The following VDAC3 variants were observed in gnomAD, a reference collection of about 807,000 sequenced individuals.
The protein encoded by VDAC3 is non-selective voltage-gated ion channel VDAC3.
Under a neutral mutation model 33.9 loss-of-function variants are expected in VDAC3, and 7 were observed. The ratio of observed to expected loss-of-function variants is 0.21; its 90% CI spans 0.12 to 0.39. The LOEUF (loss-of-function observed/expected upper bound fraction) is 0.39. Among genes scored for constraint, VDAC3 ranks in the 10% least tolerant of loss-of-function variants. VDAC3 has a pLI of 1.00. For synonymous variants in VDAC3, 100 were observed against 122.4 expected (o/e 0.82, Z 1.21); for missense variants, 261 against 334.5 (o/e 0.78, Z 1.71).
intron 4 of VDAC3, among the ~76,000 whole-genome samples, chr8:42,395,824 G>A (rs1802301017): frequency 6.6e-6 from 1 of 151,020 alleles, no homozygotes; most frequent in Admixed American, 6.6e-5. Flanking sequence ...AGCTGGGTGT[G>A]GTGGCACGCA....
intron 4 of VDAC3, among the ~76,000 whole-genome samples, chr8:42,398,458 ACTCAAGGGATCCACCCGCCTTGGC>A (rs1802356116): frequency 6.6e-6 from 1 of 151,998 alleles, no homozygotes; most frequent in African/African-American, 2.4e-5. Flanking sequence ...GAGCTCCTGG[ACTCAAGGGATCCACCCGCCTTGGC>A]CTCGTAACAT....
chr8:42,398,586 T>C (rs878919986), intron 4 of VDAC3, 126 bp from the exon 5 acceptor site: 3 of 1,009,354 alleles, frequency 3.0e-6, no homozygotes, highest in South Asian at 3.6e-5. Flanking sequence ...AAGAAGTTGC[T>C]CTAGAGTAGG....
chr8:42,402,433 G>A (rs1563423190), intron 7 of VDAC3, among the ~76,000 whole-genome samples: 1 of 152,130 alleles, frequency 6.6e-6, no homozygotes, highest in Non-Finnish European at 1.5e-5. Context: ...GGGACATCCC[G>A]GTAATTCTGT....
chr8:42,399,569 C>A, intron 5 of VDAC3, 82 bp from the exon 6 acceptor site: 1 of 1,322,020 alleles, frequency 7.6e-7, no homozygotes, highest in Non-Finnish European at 1.0e-6. Flanking sequence ...TTAAAGAACT[C>A]AGGAAACTTT....
chr8:42,394,241 A>C lies in VDAC3; in HGVS notation c.30A>C (p.Leu10=). Residue 10 remains leucine (L), a synonymous_variant, in exon 3 of 10, where the codon CTA becomes CTC. Coordinates refer to ENST00000022615, the MANE Select transcript of VDAC3 (RefSeq NM_005662.7). MCNTPTYCD[L]GKAAKDVFNK... is the part of the protein sequence containing the mutation. ...GTAACACACCAACGTACTGTGACCTAGGAAAGGCTGCTAAGGATGTCTTCA... is the reference window on the plus strand; with the variant it reads ...GTAACACACCAACGTACTGTGACCTCGGAAAGGCTGCTAAGGATGTCTTCA... The C allele has an allele frequency of 6.2e-7, 1 of 1,613,732 alleles. No homozygotes were observed. The highest frequency in any genetic ancestry group is 2.2e-5 in the East Asian group (1 of 44,828).
At chr8:42,397,985 G>A (rs550604922) in intron 4 of VDAC3, among the ~76,000 whole-genome samples, 1 of 152,170 alleles carries the variant, frequency 6.6e-6, no homozygotes, top group African/African-American at 2.4e-5. Flanking sequence ...AAGTAGTAAA[G>A]TGTTGACCCT....
chr8:42,397,951 A>G (rs997875139), intron 4 of VDAC3, among the ~76,000 whole-genome samples: 2 of 139,552 alleles, frequency 1.4e-5, no homozygotes, highest in African/African-American at 6.7e-5. Flanking sequence ...ATTTACCACA[A>G]TAAAAAAAAA....
At chr8:42,401,543 G>A (rs910778548) in intron 6 of VDAC3, among the ~76,000 whole-genome samples, 22 of 152,200 alleles carry the variant, frequency 1.4e-4, no homozygotes, top group African/African-American at 5.3e-4. Flanking sequence ...AATAAATCAT[G>A]AAGTATCCTA....
At chr8:42,398,594 A>G (rs1802358503) in intron 4 of VDAC3, 118 bp from the exon 5 acceptor site, 2 of 1,074,022 alleles carry the variant, frequency 1.9e-6, no homozygotes, top group Non-Finnish European at 2.6e-6. Context: ...GCTCTAGAGT[A>G]GGGCTGTGGC....
In VDAC3 at chr8:42,404,897, C is replaced by T; in HGVS notation, c.733C>T (p.Leu245=). 6.2e-7 allele frequency: 1 copy of T among 1,613,640 alleles called. No individual in the cohort carries two copies. The highest frequency in any genetic ancestry group is 8.5e-7 in the Non-Finnish European group (1 of 1,179,734). The part of the protein sequence containing the change: ...AKVNNASLIG[L]GYTQTLRPGV... ...AGTAAATAATGCCAGCCTGATTGGA[C>T]TGGGTTATACTCAGACCCTTCGACC... Residue 245 remains leucine (L), a synonymous_variant, in exon 9 of 10, where the codon CTG becomes TTG. Coordinates refer to ENST00000022615, the MANE Select transcript of VDAC3 (RefSeq NM_005662.7).
chr8:42,398,694 T>A lies in VDAC3; in HGVS notation c.118-18T>A. The stretch of plus-strand genomic sequence containing the variant: ...TGATGAGCTAATTTTAAAGTAATTA[T>A]TTTTTCTTGCTTACCAGGAATTTTC... On this transcript the variant is annotated intron_variant, in intron 4 of 9. Coordinates refer to ENST00000022615, the MANE Select transcript of VDAC3 (RefSeq NM_005662.7). The A allele has an allele frequency of 2.5e-6, 4 of 1,601,964 alleles. No homozygotes were observed. The highest frequency in any genetic ancestry group is 3.4e-6 in the Non-Finnish European group (4 of 1,176,488).
intron 1 of VDAC3, among the ~76,000 whole-genome samples, chr8:42,393,298 A>AT (rs1336992030): frequency 1.3e-5 from 2 of 152,014 alleles, no homozygotes; most frequent in East Asian, 3.9e-4. Context: ...AGGCGTAGCA[A>AT]TTGCAAGGGC....
At chr8:42,402,647 CTA>C (rs1298524315) in intron 7 of VDAC3, among the ~76,000 whole-genome samples, 2 of 152,190 alleles carry the variant, frequency 1.3e-5, no homozygotes, top group East Asian at 1.9e-4. Flanking sequence ...AAAGGGCAAA[CTA>C]TGTGTTTTTA....
intron 8 of VDAC3, among the ~76,000 whole-genome samples, chr8:42,404,198 A>C (rs1802464028): frequency 6.6e-6 from 1 of 152,194 alleles, no homozygotes; most frequent in African/African-American, 2.4e-5. Context: ...TGAGCCTTAG[A>C]AAGGTCAGCT....
chr8:42,405,029 C>A, intron 9 of VDAC3, 105 bp downstream of exon 9: 3 of 1,041,672 alleles, frequency 2.9e-6, no homozygotes, highest in Non-Finnish European at 4.3e-6. Context: ...TTGATTTGGA[C>A]CATTTTGTAA....
Position 42,404,722 on chromosome 8 carries a change from C to T in VDAC3, c.703-145C>T, listed in dbSNP as rs77522607. 7 of 354,898 alleles carry T rather than the reference C, an allele frequency of 2.0e-5. No individual in the cohort carries two copies. In the East Asian group the frequency reaches 3.4e-4, roughly 17 times the overall value. 22.0% of individuals were successfully genotyped at this position (354,898 alleles called of 1,614,324 possible). On this transcript the variant is annotated intron_variant, in intron 8 of 9. Coordinates refer to ENST00000022615, the MANE Select transcript of VDAC3 (RefSeq NM_005662.7). ...GGGTGACAAGAACAAAACTTCATCT[C>T]AAAAAAAAAAAAAAAAAAAATCAGT...
chr8:42,395,290 AAAC>A, intron 4 of VDAC3, 157 bp downstream of exon 4: 1 of 707,436 alleles, frequency 1.4e-6, no homozygotes, highest in African/African-American at 1.9e-5. Flanking sequence ...CAATTAAAAT[AAAC>A]AACCAAGTTG....
chr8:42,393,003 G>C (rs1440637924), intron 1 of VDAC3, among the ~76,000 whole-genome samples: 1 of 152,034 alleles, frequency 6.6e-6, no homozygotes, highest in Non-Finnish European at 1.5e-5. Flanking sequence ...TATGAAACCT[G>C]GTAGCTTAGA....
intron 4 of VDAC3, among the ~76,000 whole-genome samples, chr8:42,398,493 GC>G (rs1802356833): frequency 6.6e-6 from 1 of 152,134 alleles, no homozygotes; most frequent in African/African-American, 2.4e-5. Flanking sequence ...CTCGTAACAT[GC>G]TGGGATTACA....
Sources: gnomAD v4.1 joint callset for allele counts (sites outside exome capture counted in the v4.1 genomes callset) on GRCh38, gnomAD v4.1.1 for gene constraint, MANE v1.5 for transcripts, NCBI Gene and HGNC (gene_info 2026-07-23, HGNC 2026-07-21) for gene names.